DNAH8: variants seen among roughly 807,000 people sequenced by gnomAD.
DNAH8 encodes dynein axonemal heavy chain 8.
A neutral mutation model predicts 562.1 loss-of-function variants in DNAH8; 382 were observed. That is an observed-to-expected ratio of 0.68 (90% CI 0.63 to 0.74). The LOEUF is 0.74. Among genes scored for constraint, DNAH8 ranks in the 30% least tolerant of loss-of-function variants. The pLI is 0.00. For missense variants in DNAH8, 5,203 were observed against 5,620.4 expected (o/e 0.93, Z 2.37); for synonymous variants, 1,881 against 1,919.4 (o/e 0.98, Z 0.52).
chr6:38,910,601 C>A (rs1780815003), intron 65 of DNAH8, among the ~76,000 whole-genome samples: 1 of 152,154 alleles, frequency 6.6e-6, no homozygotes, highest in Non-Finnish European at 1.5e-5. Context: ...CTGCTAATGT[C>A]ATCCATGGAG....
chr6:38,841,192 G>A (rs1774751918), intron 33 of DNAH8, among the ~76,000 whole-genome samples: 1 of 152,128 alleles, frequency 6.6e-6, no homozygotes, highest in Non-Finnish European at 1.5e-5. Flanking sequence ...GCTGAGGCGG[G>A]CCGATCACCT....
chr6:38,918,250 C>T lies in DNAH8; in HGVS notation c.10524+110C>T. On this transcript the variant is annotated intron_variant, in intron 70 of 92. Coordinates refer to ENST00000327475, the MANE Select transcript of DNAH8 (RefSeq NM_001206927.2). ...GTTTAGACCAATAAAGGTAGATGTC[C>T]CTGTTACCAAATTTGTCTTTTTTCT... is the stretch of plus-strand genomic sequence containing the variant. The T allele has an allele frequency of 4.2e-6, 3 of 714,564 alleles. No individual in the cohort carries two copies. The South Asian group carries it at 7.9e-5, about 19-fold the overall frequency. 44.3% of individuals were successfully genotyped at this position (714,564 alleles called of 1,614,324 possible).
chr6:38,924,372 C>A (rs1781945208), intron 73 of DNAH8, among the ~76,000 whole-genome samples: 1 of 151,896 alleles, frequency 6.6e-6, no homozygotes, highest in Admixed American at 6.6e-5. Context: ...GTTAGCCGGG[C>A]ATGATGGTGC....
chr6:38,872,694 G>C lies in DNAH8; in HGVS notation c.7149G>C (p.Gln2383His), dbSNP rs1345874690. The C allele has an allele frequency of 6.2e-7, 1 of 1,614,100 alleles. No homozygotes were observed. The highest frequency in any genetic ancestry group is 1.1e-5 in the South Asian group (1 of 91,088). ...RMNPKAITAP[Q>H]MFGRLDTATN... ...ATCCAAAAGCCATTACTGCACCTCA[G>C]ATGTTTGGCAGACTGGACACTGCTA... is the stretch of plus-strand genomic sequence containing the variant. The change falls in exon 50 of 93, where the codon CAG becomes CAC. Residue 2383 changes from glutamine to histidine, a missense_variant. By Grantham distance (24) the Gln-to-His change is conservative (BLOSUM62 0). Transcript: ENST00000327475.
intron 78 of DNAH8, 74 bp downstream of exon 78, chr6:38,938,300 C>CT (rs1443892281): frequency 4.0e-6 from 6 of 1,508,182 alleles, no homozygotes; most frequent in Non-Finnish European, 3.6e-6. Flanking sequence ...TTAGAAATTG[C>CT]TTTTTCACTA....
intron 66 of DNAH8, 28 bp downstream of exon 66, chr6:38,911,614 G>A (rs762622371): frequency 5.6e-6 from 8 of 1,440,754 alleles, no homozygotes; most frequent in African/African-American, 4.2e-5. Context: ...GAATGGGATG[G>A]AATAGAAATA....
At chr6:38,874,451 C>T (rs1300311683) in intron 52 of DNAH8, among the ~76,000 whole-genome samples, 2 of 151,056 alleles carry the variant, frequency 1.3e-5, no homozygotes, top group Non-Finnish European at 2.9e-5. Flanking sequence ...CTCACTGCAA[C>T]CTTGAAGTCC....
At position 38,942,387 on chromosome 6, in the gene DNAH8, A is replaced by G. The variant is rs1336015083; in HGVS notation, c.12008-3080A>G. Among the ~76,000 whole-genome samples, 5 of 152,152 alleles carry G rather than the reference A, an allele frequency of 3.3e-5. No individual in the cohort carries two copies. In the South Asian group the frequency reaches 1.0e-3, roughly 32 times the overall value. On this transcript the variant is annotated intron_variant, in intron 79 of 92. Transcript: ENST00000327475. ...CCTGGGTCCACAGTGGATGGTGGGA[A>G]GGAAAAAGGAGGTCAGAGGTAGAAA...
At chr6:38,884,111 C>T (rs2150469930) in intron 56 of DNAH8, 113 bp downstream of exon 56, 4 of 611,836 alleles carry the variant, frequency 6.5e-6, no homozygotes, top group Middle Eastern at 6.0e-4. Context: ...TTTAAGTCTA[C>T]TGCCAATCCT....
At position 38,753,680 on chromosome 6, in the gene DNAH8, A is replaced by G. The variant is rs149328655; in HGVS notation, c.1408-2292A>G. ...CAAATTTTAAGGTATACTGATTTCAACTTCTTGATTCAAAAGACTTGTTTT... is the reference window on the plus strand; with the variant it reads ...CAAATTTTAAGGTATACTGATTTCAGCTTCTTGATTCAAAAGACTTGTTTT... On this transcript the variant is annotated intron_variant, in intron 9 of 92. Coordinates refer to ENST00000327475, the MANE Select transcript of DNAH8 (RefSeq NM_001206927.2). Among the ~76,000 whole-genome samples the G allele has an allele frequency of 2.9e-3, 436 of 152,294 alleles. 4 individuals are homozygous for G. Among genetic ancestry groups the G allele is most frequent in the East Asian group, 0.023 (121 of 5,188 alleles).
intron 48 of DNAH8, among the ~76,000 whole-genome samples, chr6:38,868,456 C>G (rs1457822605): frequency 6.6e-6 from 1 of 152,218 alleles, no homozygotes. Context: ...CAAGACTCAA[C>G]CTAGTTGTCT....
At chr6:38,809,142 G>A (rs1470327618) in intron 24 of DNAH8, among the ~76,000 whole-genome samples, 4 of 148,940 alleles carry the variant, frequency 2.7e-5, no homozygotes, top group South Asian at 4.2e-4. Context: ...TTTTTCTATC[G>A]AATTGGATTA....
At chr6:38,962,715 T>C (rs1762679724) in intron 82 of DNAH8, among the ~76,000 whole-genome samples, 1 of 152,218 alleles carries the variant, frequency 6.6e-6, no homozygotes, top group South Asian at 2.1e-4. Flanking sequence ...GGCCAAGATT[T>C]TCTTAATCAT....
chr6:38,908,097 C>G lies in DNAH8; in HGVS notation c.9490C>G (p.His3164Asp). The change falls in exon 64 of 93, where the codon CAT (histidine) becomes GAT (aspartate). Residue 3164 changes from histidine to aspartate, a missense_variant. By Grantham distance (81) the His-to-Asp change is moderately conservative (BLOSUM62 -1). Coordinates refer to ENST00000327475, the MANE Select transcript of DNAH8 (RefSeq NM_001206927.2). The stretch of plus-strand genomic sequence containing the variant: ...CATTTCAAGATCAAGGAAGAACTTA[C>G]ATGTTGTTCTCTGCTTTTCTCCAGT... ...YFISRSRKNL[H>D]VVLCFSPVGE... is the part of the protein sequence containing the mutation. 1 of 1,582,430 alleles carries G rather than the reference C, an allele frequency of 6.3e-7. No individual in the cohort carries two copies. The highest frequency in any genetic ancestry group is 8.6e-7 in the Non-Finnish European group (1 of 1,166,756).
chr6:38,835,128 G>T (rs762791046), intron 32 of DNAH8, among the ~76,000 whole-genome samples: 1 of 152,014 alleles, frequency 6.6e-6, no homozygotes, highest in East Asian at 1.9e-4. Context: ...TGCTGAGCGC[G>T]TCTAGAGAAA....
chr6:38,915,056 C>A, intron 67 of DNAH8, 145 bp from the exon 68 acceptor site: 1 of 655,832 alleles, frequency 1.5e-6, no homozygotes, highest in Non-Finnish European at 2.4e-6. Context: ...CTTTAATATA[C>A]CTTAAAATAT....
At chr6:38,743,249 C>T (rs994521941) in intron 8 of DNAH8, among the ~76,000 whole-genome samples, 8 of 152,152 alleles carry the variant, frequency 5.3e-5, no homozygotes, top group African/African-American at 1.9e-4. Flanking sequence ...GCGATTCTTC[C>T]ACCTCAGCCT....
chr6:38,803,043 T>C, intron 21 of DNAH8, 136 bp from the exon 22 acceptor site: 1 of 593,648 alleles, frequency 1.7e-6, no homozygotes, highest in Non-Finnish European at 2.8e-6. Context: ...TGAAGCATTA[T>C]GCCATTTTCA....
Position 38,845,655 on chromosome 6 carries a change from C to A in DNAH8, c.4927C>A (p.Leu1643Met), listed in dbSNP as rs760999926. ...QVIENWTNQN[L>M]SFAAFKGKGE... ...GATTGAGAATTGGACCAACCAAAAT[C>A]TGAGTTTTGCAGCATTTAAGGGAAA... The change falls in exon 36 of 93, where the codon CTG becomes ATG. Residue 1643 changes from leucine to methionine, a missense_variant. Transcript: ENST00000327475. 1.2e-6 allele frequency: 2 copies of A among 1,613,940 alleles called. No individual in the cohort carries two copies. The highest frequency in any genetic ancestry group is 2.2e-5 in the South Asian group (2 of 91,074).
Sources: gnomAD v4.1 joint callset for allele counts (sites outside exome capture counted in the v4.1 genomes callset) on GRCh38, gnomAD v4.1.1 for gene constraint, MANE v1.5 for transcripts, NCBI Gene and HGNC (gene_info 2026-07-23, HGNC 2026-07-21) for gene names.